The following RIMKLA variants were observed in gnomAD, a reference collection of about 807,000 sequenced individuals.
The protein encoded by RIMKLA is N-acetylaspartylglutamate synthase A.
Under a neutral mutation model 32.7 loss-of-function variants are expected in RIMKLA, and 14 were observed. The observed-to-expected ratio is 0.43, with a 90% CI of 0.28 to 0.67. The LOEUF (loss-of-function observed/expected upper bound fraction) is 0.67, where lower values mean the gene tolerates loss of function less well. Among genes scored for constraint, RIMKLA ranks in the 30% least tolerant of loss-of-function variants. The pLI is 0.18. For missense variants in RIMKLA, 410 were observed against 519.0 expected, an observed-to-expected ratio of 0.79 and a Z score of 2.04; for synonymous variants, 176 against 204.1, an observed-to-expected ratio of 0.86 and a Z score of 1.18.
In RIMKLA at chr1:42,399,532, T is replaced by C. The variant is rs201175941; in HGVS notation, c.292T>C (p.Leu98=). The C allele has an allele frequency of 1.2e-6, 2 of 1,613,516 alleles. No homozygotes were observed. The highest frequency in any genetic ancestry group is 1.7e-6 in the Non-Finnish European group (2 of 1,179,828). ...LRHLEKLGCR[L]VNRPQSILNC... ...ACACCTGGAGAAGCTGGGCTGCCGG[T>C]TGGTCAATCGCCCACAGAGCATCTT... The change falls in exon 2 of 5, where the codon TTG becomes CTG. Residue 98 remains leucine, a synonymous_variant. Transcript: ENST00000431473.
chr1:42,383,786 C>T (rs1325900288), intron 1 of RIMKLA, among the ~76,000 whole-genome samples: 1 of 152,168 alleles, frequency 6.6e-6, no homozygotes, highest in Non-Finnish European at 1.5e-5. Context: ...AGCTAGTTAA[C>T]AGCAAACCTA....
rs1643127127 is a variant in RIMKLA at position 42,404,458 on chromosome 1, C to T, written c.395-53C>T. 6 of 1,250,474 alleles carry T rather than the reference C, an allele frequency of 4.8e-6. No individual in the cohort carries two copies. In the Admixed American group the frequency reaches 1.0e-4, roughly 21 times the overall value. The allele number at this position is 1,250,474 out of a possible 1,614,324, so 77.5% of individuals were successfully genotyped here. On this transcript the variant is annotated intron_variant, in intron 2 of 4. Transcript: ENST00000431473. ...CTACAGAGGGGCGGGGCTGGGGTGA[C>T]CGCTACCTGACTATCAGCCTTACCT... is the stretch of plus-strand genomic sequence containing the variant.
chr1:42,402,220 A>T (rs1347837818), intron 2 of RIMKLA, among the ~76,000 whole-genome samples: 1 of 152,198 alleles, frequency 6.6e-6, no homozygotes, highest in Non-Finnish European at 1.5e-5. Context: ...CCACCCTGAG[A>T]TACCCAAGTC....
In RIMKLA at chr1:42,385,869, T is replaced by C. The variant is rs1414454750; in HGVS notation, c.163+4772T>C. Among the ~76,000 whole-genome samples the C allele has an allele frequency of 2.1e-3, 121 of 57,364 alleles. 1 individual carries two copies. Among genetic ancestry groups the C allele is most frequent in the Non-Finnish European group, 3.6e-3 (84 of 23,534 alleles). The allele number at this position is 57,364 out of a possible 152,430, so 37.6% of individuals were successfully genotyped here. ...CTCTTTCTTTCTTTCTTTCTTTCTT[T>C]CTTTCTTTCTTTCTTTCTTTCTTTC... On this transcript the variant is annotated intron_variant, in intron 1 of 4. Coordinates refer to ENST00000431473, the MANE Select transcript of RIMKLA (RefSeq NM_173642.4).
chr1:42,415,198 T>A lies in RIMKLA; in HGVS notation c.*224T>A. The A allele has an allele frequency of 2.0e-6, 1 of 501,994 alleles. No individual in the cohort carries two copies. Among genetic ancestry groups the A allele is most frequent in the Non-Finnish European group, 3.5e-6 (1 of 283,832 alleles). The allele number at this position is 501,994 out of a possible 1,614,324, so 31.1% of individuals were successfully genotyped here. On this transcript the variant is annotated 3_prime_UTR_variant, in exon 5 of 5. Transcript: ENST00000431473. ...AGAACAACGTCCCGACTGATCAGTA[T>A]GAGACTGATGTCTGCTGTGAGCACG...
Position 42,422,849 on chromosome 1 carries a change from C to T in RIMKLA, c.*7875C>T, listed in dbSNP as rs1454615641. ...TGGAGGAAAATACTAATGCAGATGGCGTGAGCTTGTCACGGGCCTGCTCAG... is the reference window on the plus strand; with the variant it reads ...TGGAGGAAAATACTAATGCAGATGGTGTGAGCTTGTCACGGGCCTGCTCAG... On this transcript the variant is annotated 3_prime_UTR_variant, in exon 5 of 5. Coordinates refer to ENST00000431473, the MANE Select transcript of RIMKLA (RefSeq NM_173642.4). 1.3e-5 allele frequency among the ~76,000 whole-genome samples: 2 copies of T among 152,294 alleles called. No homozygotes were observed. The highest frequency in any genetic ancestry group is 1.3e-4 in the Admixed American group (2 of 15,298).
chr1:42,389,120 G>A (rs891575177), intron 1 of RIMKLA, among the ~76,000 whole-genome samples: 1 of 152,202 alleles, frequency 6.6e-6, no homozygotes, highest in African/African-American at 2.4e-5. Context: ...TTTTTGGCCT[G>A]AGCAGCTGGA....
chr1:42,413,575 A>G (rs1003553018), intron 4 of RIMKLA, among the ~76,000 whole-genome samples: 1 of 151,550 alleles, frequency 6.6e-6, no homozygotes, highest in African/African-American at 2.4e-5. Flanking sequence ...TGAAAAAGGT[A>G]TTTATCGTCC....
intron 1 of RIMKLA, among the ~76,000 whole-genome samples, chr1:42,382,003 C>G (rs1350207052): frequency 6.6e-6 from 1 of 152,124 alleles, no homozygotes; most frequent in Non-Finnish European, 1.5e-5. Context: ...GGATACTGTT[C>G]GCATTATTTC....
Position 42,404,517 on chromosome 1 carries a change from A to C in RIMKLA, c.401A>C (p.His134Pro). Reference sequence around the variant, plus strand: ...TTTCACCTTTTCTTGGCAGGTGGGCATGAAGACTTTTCAAAAATGATTGAT... The same window carrying C: ...TTTCACCTTTTCTTGGCAGGTGGGCCTGAAGACTTTTCAAAAATGATTGAT... ...PMPDTFSYGGHEDFSKMIDEA... is the reference protein window; with the variant it reads ...PMPDTFSYGGPEDFSKMIDEA... Residue 134 changes from histidine (H) to proline (P), a missense_variant, in exon 3 of 5, where the codon CAT (histidine) becomes CCT (proline). Physicochemically the swap from His to Pro is moderately conservative, Grantham distance 77. Transcript: ENST00000431473. 2 of 1,612,378 alleles carry C rather than the reference A, an allele frequency of 1.2e-6. No individual in the cohort carries two copies. The highest frequency in any genetic ancestry group is 2.2e-5 in the East Asian group (1 of 44,872).
chr1:42,404,718 A>C (rs1643129176), intron 3 of RIMKLA, 121 bp downstream of exon 3: 2 of 644,238 alleles, frequency 3.1e-6, no homozygotes, highest in Non-Finnish European at 5.5e-6. Flanking sequence ...AGGAGCTTGC[A>C]GTGTTTCTTT....
At position 42,399,492 on chromosome 1, in the gene RIMKLA, C is replaced by T. The variant is rs758252257; in HGVS notation, c.252C>T (p.Asp84=). 7.4e-6 allele frequency: 12 copies of T among 1,612,886 alleles called. No individual in the cohort carries two copies. The highest frequency in any genetic ancestry group is 1.0e-5 in the Non-Finnish European group (12 of 1,179,252). The change falls in exon 2 of 5, where the codon GAC becomes GAT. Residue 84 remains aspartate (D), a synonymous_variant. Coordinates refer to ENST00000431473, the MANE Select transcript of RIMKLA (RefSeq NM_173642.4). ...CACCCTCAGTGCAGTCAGACAGTGA[C>T]ATCACTGTCCTGCGACACCTGGAGA... is the stretch of plus-strand genomic sequence containing the variant. ...VPTPSVQSDS[D]ITVLRHLEKL...
At chr1:42,383,903 C>T (rs925874145) in intron 1 of RIMKLA, among the ~76,000 whole-genome samples, 1 of 152,222 alleles carries the variant, frequency 6.6e-6, no homozygotes, top group African/African-American at 2.4e-5. Context: ...TGGAATTGAA[C>T]TGAATTGAGT....
chr1:42,389,533 C>T (rs1642978414), intron 1 of RIMKLA, among the ~76,000 whole-genome samples: 1 of 152,120 alleles, frequency 6.6e-6, no homozygotes, highest in Non-Finnish European at 1.5e-5. Flanking sequence ...GCTGCTAGGC[C>T]AGACACAGTG....
Position 42,420,435 on chromosome 1 carries a change from C to T in RIMKLA, c.*5461C>T, listed in dbSNP as rs190766039. On this transcript the variant is annotated 3_prime_UTR_variant, in exon 5 of 5. Transcript: ENST00000431473. ...TTTTTATATACTATGGAGGAATCTC[C>T]ACTCACCTTCCACTCCACGTGGTCC... 6.6e-6 allele frequency: 1 copy of T among 152,294 alleles called. No homozygotes were observed. The highest frequency in any genetic ancestry group is 1.9e-4 in the East Asian group (1 of 5,186). The allele number at this position is 152,294 out of a possible 1,614,324, so 9.4% of individuals were successfully genotyped here.
In RIMKLA at chr1:42,399,491, A is replaced by C; in HGVS notation, c.251A>C (p.Asp84Ala). 1 of 1,613,506 alleles carries C rather than the reference A, an allele frequency of 6.2e-7. No homozygotes were observed. Among genetic ancestry groups the C allele is most frequent in the South Asian group, 1.1e-5 (1 of 90,848 alleles). ...VPTPSVQSDS[D>A]ITVLRHLEKL... Reference sequence around the variant, plus strand: ...ACACCCTCAGTGCAGTCAGACAGTGACATCACTGTCCTGCGACACCTGGAG... The same window carrying C: ...ACACCCTCAGTGCAGTCAGACAGTGCCATCACTGTCCTGCGACACCTGGAG... The change falls in exon 2 of 5, where the codon GAC becomes GCC. Residue 84 changes from aspartate (D) to alanine (A), a missense_variant. By Grantham distance (126) the Asp-to-Ala change is moderately radical. Transcript: ENST00000431473.
intron 4 of RIMKLA, 33 bp downstream of exon 4, chr1:42,410,220 T>C: frequency 2.5e-6 from 4 of 1,579,206 alleles, no homozygotes; most frequent in Non-Finnish European, 3.5e-6. Flanking sequence ...TTTATTAGGG[T>C]ATTTGGACCC....
chr1:42,409,400 G>A (rs1472148304), intron 3 of RIMKLA, among the ~76,000 whole-genome samples: 1 of 152,182 alleles, frequency 6.6e-6, no homozygotes, highest in African/African-American at 2.4e-5. Context: ...AAGGATGTCT[G>A]TCAGTGCTTC....
At chr1:42,385,541 A>G (rs1642928155) in intron 1 of RIMKLA, among the ~76,000 whole-genome samples, 1 of 152,162 alleles carries the variant, frequency 6.6e-6, no homozygotes, top group Non-Finnish European at 1.5e-5. Context: ...CTTTAAATCA[A>G]AGTGTTCTTG....
Sources: allele counts gnomAD v4.1 joint callset (sites outside exome capture counted in the v4.1 genomes callset), GRCh38; gene constraint gnomAD v4.1.1; transcripts MANE v1.5; gene names NCBI Gene and HGNC (gene_info 2026-07-23, HGNC 2026-07-21).